SLC5A4: variants seen among roughly 807,000 people sequenced by gnomAD.
SLC5A4 encodes solute carrier family 5 member 4, also known as probable glucose sensor protein SLC5A4.
Under a neutral mutation model 70.3 loss-of-function variants are expected in SLC5A4, and 55 were observed. That is an observed-to-expected ratio of 0.78 (90% CI 0.63 to 0.98). The LOEUF (loss-of-function observed/expected upper bound fraction) is 0.98. Among genes scored for constraint, SLC5A4 ranks in the 50% least tolerant of loss-of-function variants. The pLI, the probability that SLC5A4 is intolerant of heterozygous loss-of-function variation, is 0.00. For synonymous variants in SLC5A4, 268 were observed against 305.7 expected (o/e 0.88, Z 1.29); for missense variants, 735 against 839.2 (o/e 0.88, Z 1.53).
At chr22:32,333,966 A>G in the SLC5A4 span, among the ~76,000 whole-genome samples, 1,346 of 147,806 alleles carry the variant, frequency 9.1e-3, 13 homozygotes, top group South Asian at 0.025. Flanking sequence ...CAGACCCACA[A>G]TATACACACA....
At chr22:32,332,091 C>T in the SLC5A4 span, among the ~76,000 whole-genome samples, 23 of 152,124 alleles carry the variant, frequency 1.5e-4, no homozygotes, top group Non-Finnish European at 3.4e-4. Context: ...GGCCCCTCCC[C>T]ACCACCACCC....
chr22:32,330,613 G>A, the SLC5A4 span, among the ~76,000 whole-genome samples: 1 of 118,900 alleles, frequency 8.4e-6, no homozygotes, highest in East Asian at 3.2e-4. Context: ...AAACTGTTGT[G>A]TCAGGAAGCT....
the SLC5A4 span, among the ~76,000 whole-genome samples, chr22:32,321,575 C>T: frequency 6.6e-6 from 1 of 152,334 alleles, no homozygotes; most frequent in South Asian, 2.1e-4. Flanking sequence ...GACATGAAAC[C>T]TAGTACCCAT....
the SLC5A4 span, chr22:32,269,802 C>T: frequency 0.43 from 289,062 of 678,974 alleles, 66,250 homozygotes; most frequent in African/African-American, 0.54. The surrounding 1 kb of genome is among the most constrained non-coding windows in gnomAD (Gnocchi z 4.1). Context: ...CTTCATCTCC[C>T]ATGACAAGAT....
chr22:32,261,584 C>G, the SLC5A4 span, among the ~76,000 whole-genome samples: 893 of 152,348 alleles, frequency 5.9e-3, 2 homozygotes, highest in Non-Finnish European at 8.3e-3. Context: ...AACTTCCAGA[C>G]AGATAAGGTT....
the SLC5A4 span, among the ~76,000 whole-genome samples, chr22:32,297,226 T>C: frequency 5.3e-5 from 8 of 149,698 alleles, no homozygotes; most frequent in Admixed American, 2.0e-4. Context: ...TCAGAAGGAA[T>C]GGTACCAGTT....
chr22:32,220,953 T>G lies in SLC5A4; in HGVS notation c.1735A>C (p.Ser579Arg). The change falls in exon 14 of 15, where the codon AGT becomes CGT. Residue 579 changes from serine to arginine, a missense_variant. Ser to Arg is a moderately radical substitution (Grantham distance 110). Transcript: ENST00000266086. ...ACACCATCATCTGTTTCTTCCTGAC[T>G]TTTCTCTTCTGCATCTATATCGATT... ...ERIDIDAEEK[S>R]QEETDDGVEE... is the part of the protein sequence containing the mutation. 1 of 1,613,842 alleles carries G rather than the reference T, an allele frequency of 6.2e-7. No individual in the cohort carries two copies. Among genetic ancestry groups the G allele is most frequent in the Non-Finnish European group, 8.5e-7 (1 of 1,179,722 alleles).
chr22:32,289,555 C>T, the SLC5A4 span, among the ~76,000 whole-genome samples: 1 of 152,200 alleles, frequency 6.6e-6, no homozygotes, highest in Non-Finnish European at 1.5e-5. Context: ...TCACTGCAAC[C>T]TCTGCCTCCC....
At chr22:32,346,847 G>T in the SLC5A4 span, among the ~76,000 whole-genome samples, 2,515 of 147,838 alleles carry the variant, frequency 0.017, 77 homozygotes, top group African/African-American at 0.061. Flanking sequence ...AGACAAAATT[G>T]ACAAATGGGA....
chr22:32,267,733 A>G, the SLC5A4 span, among the ~76,000 whole-genome samples: 1 of 152,220 alleles, frequency 6.6e-6, no homozygotes, highest in East Asian at 1.9e-4. Flanking sequence ...CTGAAAGCAC[A>G]TCTCAATTCT....
At chr22:32,311,146 C>T in the SLC5A4 span, among the ~76,000 whole-genome samples, 4 of 152,242 alleles carry the variant, frequency 2.6e-5, no homozygotes, top group East Asian at 7.7e-4. Context: ...CCACGAGGGT[C>T]TCACTCACTT....
At chr22:32,284,493 G>A in the SLC5A4 span, among the ~76,000 whole-genome samples, 2 of 152,156 alleles carry the variant, frequency 1.3e-5, no homozygotes, top group African/African-American at 4.8e-5. Flanking sequence ...GTTGATGCTG[G>A]CTGCAAGCTG....
At chr22:32,259,406 G>T (rs189501369), upstream of SLC5A4, among the ~76,000 whole-genome samples, 1 of 152,236 alleles carries the variant, frequency 6.6e-6, no homozygotes, top group East Asian at 1.9e-4. Context: ...TATATTCCAT[G>T]TTGATTGTTT....
rs150790454 is a variant in SLC5A4, at chr22:32,218,672, C to T, written c.1822G>A (p.Gly608Ser). 1.9e-6 allele frequency: 3 copies of T among 1,613,948 alleles called. No homozygotes were observed. The highest frequency in any genetic ancestry group is 2.5e-6 in the Non-Finnish European group (3 of 1,179,988). The change falls in exon 15 of 15, where the codon GGT becomes AGT. Residue 608 changes from glycine to serine, a missense_variant. Physicochemically the swap from Gly to Ser is moderately conservative, Grantham distance 56. Transcript: ENST00000266086. ...GTTAGCTTGGGTCCCTTCTGCAAACCGCAGAACAAGTCATAAGCTTTCTTG... is the reference window on the plus strand; with the variant it reads ...GTTAGCTTGGGTCCCTTCTGCAAACTGCAGAACAAGTCATAAGCTTTCTTG... ...CLKKAYDLFCGLQKGPKLTKE... is the reference protein window; with the variant it reads ...CLKKAYDLFCSLQKGPKLTKE...
At position 32,219,630 on chromosome 22, in the gene SLC5A4, C is replaced by CAAAAAAAAAAAAAAAAAAAAA; in HGVS notation, c.1769-926_1769-906dup. On this transcript the variant is annotated intron_variant, in intron 14 of 14. Transcript: ENST00000266086. ...ATGAATGAGTTAATATCCAACTTAGCAAAAAAAAAAAAAAAAAAAAAAGAA... is the reference window on the plus strand; with the variant it reads ...ATGAATGAGTTAATATCCAACTTAGCAAAAAAAAAAAAAAAAAAAAAAAAAAAAAAAAAAAAAAAAAAAGAA... Among the ~76,000 whole-genome samples the CAAAAAAAAAAAAAAAAAAAAA allele has an allele frequency of 4.2e-4, 12 of 28,858 alleles. 1 individual carries two copies. Among genetic ancestry groups the CAAAAAAAAAAAAAAAAAAAAA allele is most frequent in the African/African-American group, 1.0e-3 (4 of 3,884 alleles). 18.9% of individuals were successfully genotyped at this position (28,858 alleles called of 152,430 possible).
Position 32,251,863 on chromosome 22 carries a change from A to T in SLC5A4, c.219T>A (p.Ser73=). The T allele has an allele frequency of 6.2e-7, 1 of 1,613,270 alleles. No homozygotes were observed. The highest frequency in any genetic ancestry group is 1.1e-5 in the South Asian group (1 of 91,062). Residue 73 remains serine, a synonymous_variant, in exon 3 of 15, where the codon TCT becomes TCA. Coordinates refer to ENST00000266086, the MANE Select transcript of SLC5A4 (RefSeq NM_014227.3). ...RDMAWWPMGA[S]LFASNIGSNH... The stretch of plus-strand genomic sequence containing the variant: ...TGCTGCCGATGTTACTGGCAAAGAG[A>T]GAGGCGCCCATCTGGAATGCAAGAG...
chr22:32,248,782 A>T lies in SLC5A4; in HGVS notation c.333T>A (p.Ile111=), dbSNP rs1276400332. The change falls in exon 4 of 15, where the codon ATT becomes ATA. Residue 111 remains isoleucine (I), a synonymous_variant. Transcript: ENST00000266086. ...AGATAGGGACAAAGATCCACCCAAG[A>T]ATCAGCAACATTACTGAGGACTACA... ...FEWTSSVMLL[I]LGWIFVPIYI... 1 of 1,612,982 alleles carries T rather than the reference A, an allele frequency of 6.2e-7. No individual in the cohort carries two copies. The highest frequency in any genetic ancestry group is 8.5e-7 in the Non-Finnish European group (1 of 1,179,068).
At chr22:32,314,060 G>A in the SLC5A4 span, among the ~76,000 whole-genome samples, 5 of 152,236 alleles carry the variant, frequency 3.3e-5, no homozygotes, top group Non-Finnish European at 5.9e-5. Flanking sequence ...GAGTGGCTCC[G>A]ACAAAGCCAG....
chr22:32,346,805 A>C, the SLC5A4 span, among the ~76,000 whole-genome samples: 1 of 147,970 alleles, frequency 6.8e-6, no homozygotes, highest in Non-Finnish European at 1.5e-5. Flanking sequence ...CAAGGACTTC[A>C]TGTCTAAAAC....
Sources: gnomAD v4.1 joint callset for allele counts (sites outside exome capture counted in the v4.1 genomes callset) on GRCh38, gnomAD v4.1.1 for gene constraint, Gnocchi (gnomAD v3.1) non-coding constraint, MANE v1.5 for transcripts, NCBI Gene and HGNC (gene_info 2026-07-23, HGNC 2026-07-21) for gene names.